SLIT3: variants seen among roughly 807,000 people sequenced by gnomAD.
SLIT3 encodes slit guidance ligand 3.
A neutral mutation model predicts 184.0 loss-of-function variants in SLIT3; 68 were observed. The observed-to-expected ratio is 0.37, with a 90% confidence interval of 0.30 to 0.45. The LOEUF is 0.45. SLIT3 is among the 20% of genes least tolerant of loss of function. The probability of loss-of-function intolerance (pLI) is 1.00; values close to 1 mark genes in which losing one functional copy is unlikely to be tolerated. For missense variants in SLIT3, 1,707 were observed against 2,026.0 expected (o/e 0.84, Z 3.02); for synonymous variants, 831 against 828.6 (o/e 1.00, Z -0.05).
rs145820626 is a variant in SLIT3 at position 169,197,558 on chromosome 5, T to C, written c.342-4008A>G. Among the ~76,000 whole-genome samples the C allele has an allele frequency of 1.7e-4, 26 of 152,260 alleles. No homozygotes were observed. The East Asian group carries it at 4.4e-3, about 26-fold the overall frequency. ...ACAGTGGCTATTGGCCATGGTACAC[T>C]CATGCCATCTGCTGTTCTGTTACTC... is the stretch of plus-strand genomic sequence containing the variant. On this transcript the variant is annotated intron_variant, in intron 3 of 35. Coordinates refer to ENST00000519560, the MANE Select transcript of SLIT3 (RefSeq NM_003062.4).
intron 7 of SLIT3, among the ~76,000 whole-genome samples, chr5:168,820,994 GATTA>G (rs2113665139): frequency 1.3e-5 from 2 of 152,180 alleles, no homozygotes; most frequent in Admixed American, 1.3e-4. Context: ...AGTGAAGGGG[GATTA>G]GTCAGCTCAA....
intron 4 of SLIT3, chr5:169,022,684 G>GT (rs1364349569): frequency 6.6e-6 from 1 of 152,110 alleles, no homozygotes; most frequent in East Asian, 1.9e-4. Context: ...AAATGTGATG[G>GT]TTTTTGCGGG....
At chr5:168,735,338 G>A (rs1277238877) in intron 20 of SLIT3, among the ~76,000 whole-genome samples, 3 of 152,118 alleles carry the variant, frequency 2.0e-5, no homozygotes, top group Admixed American at 1.3e-4. Flanking sequence ...TGGAGAGGGA[G>A]GGAAGCCACC....
intron 12 of SLIT3, among the ~76,000 whole-genome samples, chr5:168,775,216 T>G (rs1052543176): frequency 1.3e-5 from 2 of 152,088 alleles, no homozygotes; most frequent in Non-Finnish European, 2.9e-5. Context: ...TTTTGTATTT[T>G]TAGTAGAGAC....
chr5:169,078,222 G>C (rs1427973412), intron 4 of SLIT3, among the ~76,000 whole-genome samples: 1 of 152,100 alleles, frequency 6.6e-6, no homozygotes, highest in Non-Finnish European at 1.5e-5. Flanking sequence ...CAAATGCAAT[G>C]TCTCCCCAGG....
chr5:168,937,942 T>C (rs1762213125), intron 4 of SLIT3, among the ~76,000 whole-genome samples: 1 of 152,128 alleles, frequency 6.6e-6, no homozygotes, highest in Admixed American at 6.6e-5. Flanking sequence ...CAGAAATACC[T>C]TAGGTGCAAC....
intron 4 of SLIT3, among the ~76,000 whole-genome samples, chr5:168,949,114 A>C (rs773978946): frequency 5.3e-5 from 8 of 152,202 alleles, no homozygotes; most frequent in African/African-American, 1.2e-4. Flanking sequence ...GGACTCTAAC[A>C]GTCAGGTCAG....
At chr5:169,138,092 C>A (rs1761589047) in intron 4 of SLIT3, among the ~76,000 whole-genome samples, 1 of 152,222 alleles carries the variant, frequency 6.6e-6, no homozygotes, top group Non-Finnish European at 1.5e-5. Flanking sequence ...GTTTTCTCAT[C>A]TGGAAAATGG....
At chr5:168,925,636 G>C (rs138427914) in intron 4 of SLIT3, among the ~76,000 whole-genome samples, 3 of 150,202 alleles carry the variant, frequency 2.0e-5, no homozygotes, top group Non-Finnish European at 4.4e-5. Flanking sequence ...TGGATATTGA[G>C]TAAGGCAATC....
intron 4 of SLIT3, among the ~76,000 whole-genome samples, chr5:169,187,290 T>G (rs1349042992): frequency 6.6e-6 from 1 of 151,978 alleles, no homozygotes; most frequent in East Asian, 1.9e-4. Context: ...TTTTTGTGTT[T>G]TTAGTAGAGA....
At position 169,251,427 on chromosome 5, in the gene SLIT3, G is replaced by A. The variant is rs774080552; in HGVS notation, c.230C>T (p.Thr77Ile). The A allele has an allele frequency of 2.5e-6, 4 of 1,613,528 alleles. No homozygotes were observed. The South Asian group carries it at 3.3e-5, about 13-fold the overall frequency. The change falls in exon 2 of 36, where the codon ACC becomes ATC. Residue 77 changes from threonine to isoleucine, a missense_variant. Physicochemically the swap from Thr to Ile is moderately conservative, Grantham distance 89. Coordinates refer to ENST00000519560, the MANE Select transcript of SLIT3 (RefSeq NM_003062.4). ...DLDRNNITRI[T>I]KMDFAGLKNL... The stretch of plus-strand genomic sequence containing the variant: ...CTTGAGCCCAGCGAAGTCCATCTTG[G>A]TGATCCTGGTGATATTATTTCTGTC...
At chr5:168,811,379 G>C (rs1178724264) in intron 8 of SLIT3, among the ~76,000 whole-genome samples, 4 of 152,174 alleles carry the variant, frequency 2.6e-5, no homozygotes, top group Non-Finnish European at 1.5e-5. Flanking sequence ...ACTGAATAGG[G>C]GGTTAAGCAA....
At chr5:168,891,351 A>T (rs1471333109) in intron 4 of SLIT3, among the ~76,000 whole-genome samples, 4 of 152,150 alleles carry the variant, frequency 2.6e-5, no homozygotes, top group African/African-American at 9.7e-5. Context: ...GGGGAGGCTG[A>T]CCTAGAAGGG....
intron 4 of SLIT3, among the ~76,000 whole-genome samples, chr5:169,134,791 G>A (rs7710752): frequency 0.044 from 6,634 of 152,268 alleles, 492 homozygotes; most frequent in African/African-American, 0.15. Flanking sequence ...TCATGCCCCA[G>A]CTGGTCCACT....
At chr5:168,708,315 A>C in intron 25 of SLIT3, 1 of 609,430 alleles carries the variant, frequency 1.6e-6, no homozygotes, top group South Asian at 2.0e-5. Flanking sequence ...ACAGTGGGAC[A>C]TCATTCAGAA....
chr5:169,023,266 G>A lies in SLIT3; in HGVS notation c.414-139930C>T, dbSNP rs569941477. Among the ~76,000 whole-genome samples the A allele has an allele frequency of 5.3e-5, 8 of 152,286 alleles. No homozygotes were observed. The East Asian group carries it at 1.5e-3, about 29-fold the overall frequency. ...CTCTGTGAGGACCTAGTGCTGCTAT[G>A]CAGAGGAGTGAGCATGGTTGTATGG... On this transcript the variant is annotated intron_variant, in intron 4 of 35. Coordinates refer to ENST00000519560, the MANE Select transcript of SLIT3 (RefSeq NM_003062.4).
chr5:168,788,181 G>T (rs949723877), intron 11 of SLIT3, among the ~76,000 whole-genome samples: 19 of 152,114 alleles, frequency 1.2e-4, no homozygotes, highest in African/African-American at 3.6e-4. Flanking sequence ...GCAGAGAAAG[G>T]TTCCTGGTGG....
chr5:169,248,830 T>C (rs1217758480), intron 2 of SLIT3, among the ~76,000 whole-genome samples: 1 of 152,056 alleles, frequency 6.6e-6, no homozygotes, highest in Non-Finnish European at 1.5e-5. Context: ...TCCCATCCCA[T>C]GGGAGAAAAA....
At chr5:169,232,873 C>T (rs2113555664) in intron 3 of SLIT3, among the ~76,000 whole-genome samples, 1 of 152,260 alleles carries the variant, frequency 6.6e-6, no homozygotes, top group Admixed American at 6.5e-5. Flanking sequence ...AGAGAGTTGC[C>T]ATATTTGCAA....
Sources: gnomAD v4.1 joint callset for allele counts (sites outside exome capture counted in the v4.1 genomes callset) on GRCh38, gnomAD v4.1.1 for gene constraint, MANE v1.5 for transcripts, NCBI Gene and HGNC (gene_info 2026-07-23, HGNC 2026-07-21) for gene names.